MORC1: variants seen among roughly 807,000 people sequenced by gnomAD.
MORC1 encodes the protein MORC family CW-type zinc finger protein 1.
In MORC1, 59 loss-of-function variants were observed where a neutral mutation model predicts 134.9. The observed-to-expected ratio is 0.44, with a 90% CI of 0.35 to 0.54. The LOEUF is 0.54. MORC1 is among the 20% of genes least tolerant of loss of function. The pLI, the probability that MORC1 is intolerant of heterozygous loss-of-function variation, is 0.00. For missense variants in MORC1, 947 were observed against 1,134.5 expected (o/e 0.83, Z 2.37); for synonymous variants, 395 against 391.7 (o/e 1.01, Z -0.10).
intron 16 of MORC1, 97 bp downstream of exon 16, chr3:109,032,623 T>C (rs1949266670): frequency 1.2e-6 from 1 of 837,050 alleles, no homozygotes; most frequent in Non-Finnish European, 1.8e-6. Flanking sequence ...GATACTAAGC[T>C]AAAATCTATA....
intron 21 of MORC1, among the ~76,000 whole-genome samples, chr3:108,995,098 C>T (rs1948164048): frequency 6.6e-6 from 1 of 152,194 alleles, no homozygotes; most frequent in African/African-American, 2.4e-5. Flanking sequence ...ATTCCCAGAT[C>T]CAGGGTGGTA....
At chr3:109,029,037 C>G (rs1949167947) in intron 16 of MORC1, among the ~76,000 whole-genome samples, 1 of 152,058 alleles carries the variant, frequency 6.6e-6, no homozygotes, top group African/African-American at 2.4e-5. Context: ...GGACTTTCTC[C>G]CATCTGAAAC....
chr3:109,000,437 T>C, intron 21 of MORC1, 120 bp downstream of exon 21: 1 of 710,980 alleles, frequency 1.4e-6, no homozygotes. Context: ...TCTTATTTCT[T>C]CATCTCAAAA....
chr3:109,066,480 T>C (rs1294535777), intron 9 of MORC1, among the ~76,000 whole-genome samples: 1 of 152,064 alleles, frequency 6.6e-6, no homozygotes, highest in African/African-American at 2.4e-5. Context: ...AGAGATGGGG[T>C]TTCACCTTCT....
chr3:108,986,359 T>C (rs1042421298), intron 22 of MORC1, among the ~76,000 whole-genome samples: 2 of 152,160 alleles, frequency 1.3e-5, no homozygotes, highest in African/African-American at 4.8e-5. Flanking sequence ...TACTATCAGA[T>C]GGAAACTTCA....
chr3:108,995,014 T>G (rs1451995754), intron 21 of MORC1, among the ~76,000 whole-genome samples: 1 of 152,222 alleles, frequency 6.6e-6, no homozygotes, highest in East Asian at 1.9e-4. Context: ...ACTTTTATCG[T>G]TTTTATGAAG....
intron 6 of MORC1, among the ~76,000 whole-genome samples, chr3:109,097,637 C>T (rs1472299179): frequency 6.6e-6 from 1 of 152,104 alleles, no homozygotes; most frequent in African/African-American, 2.4e-5. Flanking sequence ...CAGACTTCAT[C>T]AGGAAGATGG....
intron 12 of MORC1, among the ~76,000 whole-genome samples, chr3:109,059,461 C>T (rs1357039330): frequency 6.6e-6 from 1 of 152,112 alleles, no homozygotes; most frequent in Non-Finnish European, 1.5e-5. Flanking sequence ...GCAAATGACA[C>T]AGAAGGAAAG....
chr3:109,113,613 C>A (rs1951213209), intron 2 of MORC1, among the ~76,000 whole-genome samples: 1 of 151,768 alleles, frequency 6.6e-6, no homozygotes, highest in Admixed American at 6.6e-5. Context: ...AGGAAAAAAT[C>A]TTCTGTTATG....
intron 14 of MORC1, among the ~76,000 whole-genome samples, chr3:109,050,264 T>C (rs1490448321): frequency 6.6e-6 from 1 of 152,232 alleles, no homozygotes. Context: ...CAGTTGCTTT[T>C]AACAAAATAC....
intron 12 of MORC1, among the ~76,000 whole-genome samples, chr3:109,058,595 A>C (rs1270164814): frequency 6.6e-6 from 1 of 152,094 alleles, no homozygotes; most frequent in Non-Finnish European, 1.5e-5. Flanking sequence ...TGATATATAT[A>C]TATAGAACAT....
intron 24 of MORC1, among the ~76,000 whole-genome samples, chr3:108,975,638 C>G (rs1432807011): frequency 6.6e-6 from 1 of 152,120 alleles, no homozygotes; most frequent in African/African-American, 2.4e-5. Flanking sequence ...GTTTTCTCAT[C>G]TGCAAAATGG....
intron 8 of MORC1, among the ~76,000 whole-genome samples, chr3:109,072,374 C>G (rs1388266077): frequency 2.6e-5 from 4 of 152,148 alleles, no homozygotes; most frequent in African/African-American, 9.7e-5. Flanking sequence ...CCTTTCGAAG[C>G]CTTCCCTCAG....
At chr3:109,071,605 G>T (rs181132136) in intron 8 of MORC1, among the ~76,000 whole-genome samples, 58 of 152,280 alleles carry the variant, frequency 3.8e-4, no homozygotes, top group African/African-American at 1.4e-3. Context: ...GAATCTGTCT[G>T]CTAGCTTTCC....
chr3:109,083,731 C>T (rs1355915790), intron 8 of MORC1, among the ~76,000 whole-genome samples: 1 of 152,182 alleles, frequency 6.6e-6, no homozygotes, highest in African/African-American at 2.4e-5. Flanking sequence ...AGGCCAATGT[C>T]ACTGACGAAC....
chr3:109,074,730 TA>T (rs1283247744), intron 8 of MORC1, among the ~76,000 whole-genome samples: 1 of 152,216 alleles, frequency 6.6e-6, no homozygotes, highest in African/African-American at 2.4e-5. Context: ...TTTTATTTGC[TA>T]TGTACCAGAC....
In MORC1 at chr3:108,963,566, T is replaced by C. The variant is rs1346881737; in HGVS notation, c.2647A>G (p.Arg883Gly). Reference protein sequence around the residue: ...YMVQYEKKIKRKLQSIIYDSN... With the variant: ...YMVQYEKKIKGKLQSIIYDSN... ...TCATAGATAATGGACTGCAATTTCC[T>C]CTTTATTTTTTTTTCATATTGGACC... Residue 883 changes from arginine (R) to glycine (G), a missense_variant, in exon 27 of 28, where the codon AGG becomes GGG. Coordinates refer to ENST00000232603, the MANE Select transcript of MORC1 (RefSeq NM_014429.4). 1.1e-5 allele frequency: 18 copies of C among 1,588,542 alleles called. No homozygotes were observed. Among genetic ancestry groups the C allele is most frequent in the Non-Finnish European group, 2.6e-6 (3 of 1,169,364 alleles).
chr3:108,974,527 T>C (rs1287216358), intron 24 of MORC1, among the ~76,000 whole-genome samples: 1 of 152,120 alleles, frequency 6.6e-6, no homozygotes, highest in African/African-American at 2.4e-5. Flanking sequence ...ATAAAGTACA[T>C]TTAAAGGTGG....
chr3:109,013,543 C>T (rs983335893), intron 17 of MORC1, among the ~76,000 whole-genome samples: 5 of 152,188 alleles, frequency 3.3e-5, no homozygotes, highest in Admixed American at 3.3e-4. Context: ...CAGATAACGG[C>T]TATAGCTTTT....
Sources: allele counts gnomAD v4.1 joint callset (sites outside exome capture counted in the v4.1 genomes callset), GRCh38; gene constraint gnomAD v4.1.1; transcripts MANE v1.5; gene names NCBI Gene and HGNC (gene_info 2026-07-23, HGNC 2026-07-21).